Variants in PEX11G observed in about 807,000 individuals in gnomAD.
The protein encoded by PEX11G is peroxisomal biogenesis factor 11 gamma.
Under a neutral mutation model 22.5 loss-of-function variants are expected in PEX11G, and 20 were observed. The ratio of observed to expected loss-of-function variants is 0.89; its 90% CI spans 0.62 to 1.29. PEX11G has a LOEUF of 1.29. Among genes scored for constraint, PEX11G ranks in the 50% most tolerant of loss-of-function variants. The pLI is 0.00. For missense variants in PEX11G, 347 were observed against 331.3 expected (o/e 1.05, Z -0.37); for synonymous variants, 141 against 154.5 (o/e 0.91, Z 0.65).
intron 2 of PEX11G, among the ~76,000 whole-genome samples, chr19:7,483,939 C>G (rs1013644732): frequency 2.0e-5 from 3 of 152,172 alleles, no homozygotes; most frequent in African/African-American, 4.8e-5. Flanking sequence ...GCAGCACTGT[C>G]GCAATAGCAA....
chr19:7,477,868 C>A (rs1380834990), intron 4 of PEX11G, among the ~76,000 whole-genome samples: 3 of 152,106 alleles, frequency 2.0e-5, no homozygotes, highest in Non-Finnish European at 4.4e-5. Context: ...AAATAAAAAA[C>A]AAAATTAGCC....
chr19:7,493,847 A>C (rs1407152509), upstream of PEX11G, among the ~76,000 whole-genome samples: 1 of 151,694 alleles, frequency 6.6e-6, no homozygotes, highest in Non-Finnish European at 1.5e-5. Context: ...CTCAAAAAAA[A>C]AAAAAAGACT....
upstream of PEX11G, chr19:7,489,279 A>G: frequency 1.6e-6 from 2 of 1,241,302 alleles, no homozygotes; most frequent in Non-Finnish European, 2.0e-6. Flanking sequence ...CCCACGCACA[A>G]AAAAATATAT....
upstream of PEX11G, chr19:7,489,420 G>GC (rs1302269248): frequency 9.9e-7 from 1 of 1,010,652 alleles, no homozygotes; most frequent in Non-Finnish European, 1.2e-6. Context: ...CTGTCTGCCT[G>GC]CCCGTAGTGA....
chr19:7,486,048 C>A, intron 1 of PEX11G, 22 bp from the exon 2 acceptor site: 1 of 1,566,208 alleles, frequency 6.4e-7, no homozygotes, highest in South Asian at 1.2e-5. Context: ...CAGAAGCAGT[C>A]AGTGTGGCCC....
At chr19:7,489,128 C>T (rs1473929046), upstream of PEX11G, 5 of 1,274,886 alleles carry the variant, frequency 3.9e-6, no homozygotes, top group East Asian at 3.1e-5. Context: ...CCTTTGTCCC[C>T]CTGACCGGCT....
chr19:7,485,116 C>T (rs944716630), intron 2 of PEX11G, among the ~76,000 whole-genome samples: 2 of 152,150 alleles, frequency 1.3e-5, no homozygotes, highest in African/African-American at 4.8e-5. Context: ...ATGGTCACTC[C>T]ACTGCACTCC....
In PEX11G at chr19:7,485,986, ACTC is replaced by A; in HGVS notation, c.98_100del (p.Gly33del). On this transcript the variant is annotated inframe_deletion, in exon 2 of 5. Transcript: ENST00000221480. ...CCTGGCGGGACACTGTTCAACCAGAACTCCACCAACCAGCTGGCAGCAGTACCC... is the reference window on the plus strand; with the variant it reads ...CCTGGCGGGACACTGTTCAACCAGAACACCAACCAGCTGGCAGCAGTACCC... 1 of 1,604,122 alleles carries A rather than the reference ACTC, an allele frequency of 6.2e-7. No individual in the cohort carries two copies. The highest frequency in any genetic ancestry group is 1.1e-5 in the South Asian group (1 of 90,780).
intron 3 of PEX11G, among the ~76,000 whole-genome samples, chr19:7,480,710 C>T (rs1977451091): frequency 6.6e-6 from 1 of 152,094 alleles, no homozygotes; most frequent in Admixed American, 6.6e-5. Flanking sequence ...GAGTCAGAGC[C>T]TCGACCAGGG....
upstream of PEX11G, chr19:7,489,102 C>T: frequency 7.4e-7 from 1 of 1,350,110 alleles, no homozygotes. Flanking sequence ...GGCTTGCGCG[C>T]AGGCGCGGCC....
chr19:7,485,572 G>A (rs989714805), intron 2 of PEX11G, among the ~76,000 whole-genome samples: 2 of 151,872 alleles, frequency 1.3e-5, no homozygotes, highest in Non-Finnish European at 2.9e-5. Flanking sequence ...AGCCAGGACG[G>A]TCTCCATCTC....
chr19:7,493,928 G>C (rs1343408232), upstream of PEX11G, among the ~76,000 whole-genome samples: 2 of 146,024 alleles, frequency 1.4e-5, no homozygotes, highest in African/African-American at 5.1e-5. Flanking sequence ...TTTTTTTAGA[G>C]TCAGAGTCTC....
At chr19:7,480,531 G>A (rs1002979468) in intron 3 of PEX11G, among the ~76,000 whole-genome samples, 1 of 151,202 alleles carries the variant, frequency 6.6e-6, no homozygotes, top group African/African-American at 2.4e-5. Flanking sequence ...CACAGGCAGG[G>A]TATTAGGTCA....
intron 4 of PEX11G, 26 bp downstream of exon 4, chr19:7,478,288 C>T: frequency 4.4e-6 from 7 of 1,606,602 alleles, no homozygotes; most frequent in Non-Finnish European, 5.9e-6. Flanking sequence ...AGTGGGCCTC[C>T]CTGCTGGGTG....
intron 2 of PEX11G, among the ~76,000 whole-genome samples, chr19:7,485,406 A>T (rs1336058142): frequency 1.3e-5 from 2 of 151,098 alleles, no homozygotes; most frequent in African/African-American, 4.9e-5. Flanking sequence ...TCCAGGCTGG[A>T]GTGCAGTGGC....
At chr19:7,486,103 G>C (rs58359792) in intron 1 of PEX11G, 77 bp from the exon 2 acceptor site, 1 of 1,281,936 alleles carries the variant, frequency 7.8e-7, no homozygotes, top group South Asian at 1.5e-5. Context: ...ACCTGGCCCC[G>C]GGCCCCGCTG....
chr19:7,486,333 G>T (rs1057441908), intron 1 of PEX11G, among the ~76,000 whole-genome samples: 1 of 152,040 alleles, frequency 6.6e-6, no homozygotes, highest in East Asian at 1.9e-4. Context: ...CACCAGGTTG[G>T]CTAGGCTGGT....
upstream of PEX11G, among the ~76,000 whole-genome samples, chr19:7,491,587 A>C (rs1011062009): frequency 3.3e-5 from 5 of 151,072 alleles, no homozygotes; most frequent in Admixed American, 2.6e-4. Context: ...ATTTCATACA[A>C]ATGGAATCAT....
intron 2 of PEX11G, among the ~76,000 whole-genome samples, chr19:7,482,500 C>T (rs1298339520): frequency 6.6e-6 from 1 of 152,220 alleles, no homozygotes; most frequent in Non-Finnish European, 1.5e-5. Context: ...CAATGCCAGC[C>T]GTGAGGATTC....
Sources: allele counts gnomAD v4.1 joint callset (sites outside exome capture counted in the v4.1 genomes callset), GRCh38; gene constraint gnomAD v4.1.1; transcripts MANE v1.5; gene names NCBI Gene and HGNC (gene_info 2026-07-23, HGNC 2026-07-21).